The following FHIP1A variants were observed in gnomAD, a reference collection of about 807,000 sequenced individuals.
FHIP1A encodes the protein FHF complex subunit HOOK interacting protein 1A, also known as FHF complex subunit HOOK-interacting protein 1A.
In FHIP1A, 61 loss-of-function variants were observed where a neutral mutation model predicts 88.6. The observed-to-expected ratio is 0.69, with a 90% CI of 0.56 to 0.85. FHIP1A has a LOEUF of 0.85. Ranked by LOEUF, FHIP1A falls within the 40% of genes least tolerant of loss-of-function variation. The pLI is 0.00. For synonymous variants in FHIP1A, 478 were observed against 496.0 expected, an observed-to-expected ratio of 0.96 and a Z score of 0.48; for missense variants, 1,154 against 1,273.5, an observed-to-expected ratio of 0.91 and a Z score of 1.43.
chr4:151,520,523 TTTA>T (rs1731411635), intron 3 of FHIP1A, among the ~76,000 whole-genome samples: 1 of 152,210 alleles, frequency 6.6e-6, no homozygotes, highest in Admixed American at 6.5e-5. Context: ...TTTATAATTT[TTTA>T]TTATTAAAAA....
At chr4:151,517,052 C>G (rs1000665945) in intron 3 of FHIP1A, among the ~76,000 whole-genome samples, 1 of 152,100 alleles carries the variant, frequency 6.6e-6, no homozygotes, top group Non-Finnish European at 1.5e-5. Context: ...GGAACCAACC[C>G]AAATGTCCAA....
intron 3 of FHIP1A, among the ~76,000 whole-genome samples, chr4:151,507,030 T>C (rs187153703): frequency 3.3e-5 from 5 of 152,280 alleles, no homozygotes; most frequent in African/African-American, 9.6e-5. Context: ...ACAAGGTACT[T>C]GTTTCTAGTT....
chr4:151,652,704 T>C (rs530360322), intron 11 of FHIP1A, among the ~76,000 whole-genome samples: 1 of 152,138 alleles, frequency 6.6e-6, no homozygotes, highest in African/African-American at 2.4e-5. Flanking sequence ...AGGAGGGGCA[T>C]GGACAGTGCA....
intron 13 of FHIP1A, among the ~76,000 whole-genome samples, chr4:151,662,295 T>C (rs1271626676): frequency 6.6e-6 from 1 of 152,238 alleles, no homozygotes; most frequent in Non-Finnish European, 1.5e-5. Flanking sequence ...TCATATCAGA[T>C]GCTATATGGT....
intron 2 of FHIP1A, among the ~76,000 whole-genome samples, chr4:151,472,055 C>T (rs558632127): frequency 6.6e-6 from 1 of 152,022 alleles, no homozygotes; most frequent in South Asian, 2.1e-4. Flanking sequence ...TTTGCAACTG[C>T]GAATTGTGAG....
chr4:151,469,395 T>A (rs1320497204), intron 2 of FHIP1A, among the ~76,000 whole-genome samples: 1 of 152,194 alleles, frequency 6.6e-6, no homozygotes, highest in African/African-American at 2.4e-5. Flanking sequence ...ATCCAGTAAT[T>A]TCAGGTATAG....
intron 3 of FHIP1A, among the ~76,000 whole-genome samples, chr4:151,499,468 C>G (rs963012937): frequency 6.6e-6 from 1 of 152,180 alleles, no homozygotes; most frequent in East Asian, 1.9e-4. Flanking sequence ...TGTTGTACAT[C>G]TTGAACTTTC....
chr4:151,668,652 A>C lies in FHIP1A; in HGVS notation c.*5898A>C, dbSNP rs920634500. The stretch of plus-strand genomic sequence containing the variant: ...ACGCAGAAGCCTAGTAGTTGGTATC[A>C]CCAGTGTCTCTTCAAAAGGGCCCCA... On this transcript the variant is annotated 3_prime_UTR_variant, in exon 14 of 14. Coordinates refer to ENST00000435205, the MANE Select transcript of FHIP1A (RefSeq NM_001109977.3). 6.6e-6 allele frequency among the ~76,000 whole-genome samples: 1 copy of C among 152,212 alleles called. No individual in the cohort carries two copies. Among genetic ancestry groups the C allele is most frequent in the Non-Finnish European group, 1.5e-5 (1 of 68,046 alleles).
intron 2 of FHIP1A, among the ~76,000 whole-genome samples, chr4:151,478,213 T>C (rs1729776143): frequency 1.3e-5 from 2 of 152,130 alleles, no homozygotes; most frequent in African/African-American, 2.4e-5. Context: ...AGGTACCAAT[T>C]TGGAAACATT....
chr4:151,571,584 A>G (rs1733605553), intron 4 of FHIP1A, among the ~76,000 whole-genome samples: 1 of 152,202 alleles, frequency 6.6e-6, no homozygotes, highest in African/African-American at 2.4e-5. Flanking sequence ...GCATCCATGC[A>G]TGGATTTGAC....
chr4:151,596,687 A>G (rs1415400971), intron 7 of FHIP1A, among the ~76,000 whole-genome samples: 1 of 152,106 alleles, frequency 6.6e-6, no homozygotes, highest in African/African-American at 2.4e-5. Flanking sequence ...GTCTTTTCAC[A>G]TAGTCTCATA....
intron 7 of FHIP1A, among the ~76,000 whole-genome samples, chr4:151,609,957 G>A (rs967297880): frequency 2.0e-5 from 3 of 152,118 alleles, no homozygotes; most frequent in Non-Finnish European, 4.4e-5. Context: ...TTAAAATAGA[G>A]AGCAAAGAGG....
rs2126777743 is a variant in FHIP1A at position 151,569,688 on chromosome 4, C to A, written c.105+3324C>A. ...CTGTTCTGCTATTTGTTAATAGCCT[C>A]TTTTCCAGAGCTTGAGTTAAAAAGC... On this transcript the variant is annotated intron_variant, in intron 4 of 13. Coordinates refer to ENST00000435205, the MANE Select transcript of FHIP1A (RefSeq NM_001109977.3). Among the ~76,000 whole-genome samples, 2 of 152,276 alleles carry A rather than the reference C, an allele frequency of 1.3e-5. 1 individual carries two copies. Among genetic ancestry groups the A allele is most frequent in the East Asian group, 3.9e-4 (2 of 5,180 alleles).
chr4:151,432,717 G>A (rs1001303830), intron 1 of FHIP1A, among the ~76,000 whole-genome samples: 6 of 152,186 alleles, frequency 3.9e-5, no homozygotes, highest in African/African-American at 1.4e-4. Context: ...ATATCCTCAT[G>A]AGGAAACTGA....
At chr4:151,645,194 AAATATATATCTGCCCATGGAGACAGT>A (rs1736744711) in intron 9 of FHIP1A, among the ~76,000 whole-genome samples, 1 of 152,182 alleles carries the variant, frequency 6.6e-6, no homozygotes, top group African/African-American at 2.4e-5. Flanking sequence ...AGCAGGTTCA[AAATATATATCTGCCCATGGAGACAGT>A]AGGAGGAGGG....
intron 5 of FHIP1A, among the ~76,000 whole-genome samples, chr4:151,583,174 G>A (rs533224049): frequency 1.8e-4 from 27 of 152,290 alleles, no homozygotes; most frequent in African/African-American, 5.5e-4. Flanking sequence ...AACTCTGAGC[G>A]CAGTCTAGGA....
chr4:151,452,955 T>TATATATATATATATATATAC (rs1554078808), intron 1 of FHIP1A, among the ~76,000 whole-genome samples: 2 of 147,804 alleles, frequency 1.4e-5, no homozygotes, highest in African/African-American at 5.0e-5. Context: ...TATATATACA[T>TATATATATATATATATATAC]ACACACACAC....
At chr4:151,657,064 C>G (rs60323168) in intron 13 of FHIP1A, among the ~76,000 whole-genome samples, 166 bp downstream of exon 13, 1 of 152,146 alleles carries the variant, frequency 6.6e-6, no homozygotes, top group Non-Finnish European at 1.5e-5. Context: ...CATTCTTAAA[C>G]CTAAAGAAAG....
chr4:151,620,819 C>T (rs1349943934), intron 7 of FHIP1A, among the ~76,000 whole-genome samples: 2 of 146,404 alleles, frequency 1.4e-5, no homozygotes, highest in Admixed American at 6.8e-5. Context: ...CGATTGGGTT[C>T]TTAAGCATCA....
Sources: allele counts gnomAD v4.1 joint callset (sites outside exome capture counted in the v4.1 genomes callset), GRCh38; gene constraint gnomAD v4.1.1; transcripts MANE v1.5; gene names NCBI Gene and HGNC (gene_info 2026-07-23, HGNC 2026-07-21).